The following TMPRSS15 variants were observed in gnomAD, a reference collection of about 807,000 sequenced individuals.
TMPRSS15 encodes enteropeptidase.
TMPRSS15 carries 128 observed loss-of-function variants against 125.3 expected under a neutral mutation model. That is an observed-to-expected ratio of 1.02 (90% CI 0.89 to 1.18). The LOEUF (loss-of-function observed/expected upper bound fraction) is 1.18. TMPRSS15 is among the 50% of genes most tolerant of loss of function. The pLI is 0.00. For missense variants in TMPRSS15, 1,283 were observed against 1,212.7 expected (o/e 1.06, Z -0.86); for synonymous variants, 446 against 423.2 (o/e 1.05, Z -0.66).
At chr21:18,412,368 C>T (rs1317891623) in intron 1 of TMPRSS15, among the ~76,000 whole-genome samples, 1 of 152,160 alleles carries the variant, frequency 6.6e-6, no homozygotes, top group African/African-American at 2.4e-5. Context: ...TAAGTTCTGT[C>T]TTAACACAAT....
chr21:18,440,506 A>C (rs1046715191), intron 1 of TMPRSS15, among the ~76,000 whole-genome samples: 6 of 152,068 alleles, frequency 3.9e-5, no homozygotes, highest in African/African-American at 1.4e-4. Flanking sequence ...ACTATTTCAT[A>C]AATCGATGTG....
intron 1 of TMPRSS15, among the ~76,000 whole-genome samples, chr21:18,413,584 CTT>C (rs141469767): frequency 0.19 from 26,010 of 135,792 alleles, 2,932 homozygotes; most frequent in East Asian, 0.45. Context: ...ACCTGGCTAA[CTT>C]TTTTTTTTTT....
At chr21:18,344,788 T>G (rs767606767) in intron 10 of TMPRSS15, among the ~76,000 whole-genome samples, 1 of 152,226 alleles carries the variant, frequency 6.6e-6, no homozygotes, top group African/African-American at 2.4e-5. Flanking sequence ...TATTTTATTC[T>G]TAGTTTCCTG....
At chr21:18,476,508 A>G (rs1306369697) in intron 1 of TMPRSS15, among the ~76,000 whole-genome samples, 1 of 152,200 alleles carries the variant, frequency 6.6e-6, no homozygotes, top group African/African-American at 2.4e-5. Flanking sequence ...AAAATACATG[A>G]AAACATTTTT....
rs759037934 is a variant in TMPRSS15, at chr21:18,319,450, CAG to C, written c.1922-4196_1922-4195del. Among the ~76,000 whole-genome samples, 825 of 98,718 alleles carry C rather than the reference CAG, an allele frequency of 8.4e-3. 5 individuals are homozygous for C. The highest frequency in any genetic ancestry group is 0.018 in the South Asian group (51 of 2,908). The allele number at this position is 98,718 out of a possible 152,430, so 64.8% of individuals were successfully genotyped here. ...TTTTTTTTTTTTTTTTTTTTTGAGACAGAGTTTTGCTCTTGTTGCCCAGGCTG... is the reference window on the plus strand; with the variant it reads ...TTTTTTTTTTTTTTTTTTTTTGAGACAGTTTTGCTCTTGTTGCCCAGGCTG... On this transcript the variant is annotated intron_variant, in intron 16 of 24. Coordinates refer to ENST00000284885, the MANE Select transcript of TMPRSS15 (RefSeq NM_002772.3).
intron 23 of TMPRSS15, among the ~76,000 whole-genome samples, chr21:18,277,443 ATATC>A (rs1457512895): frequency 1.3e-5 from 2 of 152,204 alleles, no homozygotes; most frequent in African/African-American, 2.4e-5. Flanking sequence ...AAAAGAGAAA[ATATC>A]TATCTAGGAA....
At chr21:18,435,299 C>T (rs13047350) in intron 1 of TMPRSS15, among the ~76,000 whole-genome samples, 54,494 of 151,916 alleles carry the variant, frequency 0.36, 10,739 homozygotes, top group Middle Eastern at 0.48. Context: ...TTTTGAGATA[C>T]GTCCCATCAA....
At chr21:18,394,668 G>A (rs968814678) in intron 3 of TMPRSS15, among the ~76,000 whole-genome samples, 1 of 150,474 alleles carries the variant, frequency 6.6e-6, no homozygotes, top group Non-Finnish European at 1.5e-5. Context: ...CTCATTTTCA[G>A]CTTGCCTCCA....
At chr21:18,341,251 T>C (rs900909419) in intron 13 of TMPRSS15, among the ~76,000 whole-genome samples, 162 bp downstream of exon 13, 3 of 152,110 alleles carry the variant, frequency 2.0e-5, no homozygotes, top group Non-Finnish European at 4.4e-5. Context: ...TGTTTTGTTT[T>C]GTAGAGACAG....
At chr21:18,416,116 G>A (rs1021019003) in intron 1 of TMPRSS15, among the ~76,000 whole-genome samples, 9 of 151,832 alleles carry the variant, frequency 5.9e-5, no homozygotes, top group African/African-American at 1.9e-4. Flanking sequence ...AATGAAAACT[G>A]CAAAACATTG....
At chr21:18,277,776 C>T (rs1809892299) in intron 23 of TMPRSS15, among the ~76,000 whole-genome samples, 1 of 152,120 alleles carries the variant, frequency 6.6e-6, no homozygotes, top group African/African-American at 2.4e-5. Context: ...AACATCATGG[C>T]TATAATTTGT....
At chr21:18,352,861 T>C in intron 10 of TMPRSS15, 42 bp downstream of exon 10, 1 of 1,599,070 alleles carries the variant, frequency 6.3e-7, no homozygotes, top group Non-Finnish European at 8.6e-7. Context: ...TTTTGATTTA[T>C]GAATTAAAAT....
At chr21:18,441,328 C>T (rs780288862) in intron 1 of TMPRSS15, among the ~76,000 whole-genome samples, 8 of 140,278 alleles carry the variant, frequency 5.7e-5, no homozygotes, top group Non-Finnish European at 9.4e-5. Flanking sequence ...ACAAAGAGAC[C>T]GGGCGTGGTG....
chr21:18,442,702 CTGTT>C (rs2076245173), intron 1 of TMPRSS15, among the ~76,000 whole-genome samples: 1 of 152,130 alleles, frequency 6.6e-6, no homozygotes, highest in Non-Finnish European at 1.5e-5. Flanking sequence ...AAATACTGCT[CTGTT>C]TATTTTGTTA....
At chr21:18,365,319 C>A in intron 6 of TMPRSS15, 71 bp from the exon 7 acceptor site, 7 of 1,190,058 alleles carry the variant, frequency 5.9e-6, no homozygotes, top group Non-Finnish European at 8.8e-6. Context: ...AAACATTTCA[C>A]AGAATATTCA....
Position 18,278,987 on chromosome 21 carries a change from C to T in TMPRSS15, c.2741G>A (p.Gly914Asp), listed in dbSNP as rs745366672. Reference sequence around the variant, plus strand: ...ACCTTGATATACAACCGTCCCCCAACCAGCAATAGAACAATTTCTTCCTGG... The same window carrying T: ...ACCTTGATATACAACCGTCCCCCAATCAGCAATAGAACAATTTCTTCCTGG... ...FPPGRNCSIA[G>D]WGTVVYQGTT... The change falls in exon 23 of 25, where the codon GGT (glycine) becomes GAT (aspartate). Residue 914 changes from glycine (G) to aspartate (D), a missense_variant. Gly to Asp is a moderately conservative substitution (Grantham distance 94). Coordinates refer to ENST00000284885, the MANE Select transcript of TMPRSS15 (RefSeq NM_002772.3). 3 of 1,502,044 alleles carry T rather than the reference C, an allele frequency of 2.0e-6. No individual in the cohort carries two copies. The highest frequency in any genetic ancestry group is 1.4e-5 in the African/African-American group (1 of 69,630). The allele number at this position is 1,502,044 out of a possible 1,614,324, so 93.0% of individuals were successfully genotyped here. A position where few individuals can be genotyped will look rare whatever the true frequency, so the allele number is the denominator to read the frequency against.
intron 1 of TMPRSS15, among the ~76,000 whole-genome samples, chr21:18,455,361 A>G (rs905201791): frequency 6.6e-6 from 1 of 152,178 alleles, no homozygotes; most frequent in African/African-American, 2.4e-5. Context: ...AAGCTCTGTT[A>G]TTGTCAATGA....
At position 18,326,496 on chromosome 21, in the gene TMPRSS15, G is replaced by A. The variant is rs753203076; in HGVS notation, c.1857C>T (p.Asn619=). The A allele has an allele frequency of 1.3e-5, 21 of 1,614,128 alleles. No individual in the cohort carries two copies. The highest frequency in any genetic ancestry group is 8.9e-5 in the East Asian group (4 of 44,870). Reference sequence around the variant, plus strand: ...TAAACCCTCCTCTTGCCAACACATCGTTAGTGATGAGAAGCACAGTCATTC... The same window carrying A: ...TAAACCCTCCTCTTGCCAACACATCATTAGTGATGAGAAGCACAGTCATTC... ...TNRMTVLLIT[N]DVLARGGFKA... The change falls in exon 16 of 25, where the codon AAC becomes AAT. Residue 619 remains asparagine (N), a synonymous_variant. Transcript: ENST00000284885.
At chr21:18,413,619 G>A (rs1343806394) in intron 1 of TMPRSS15, among the ~76,000 whole-genome samples, 46 of 147,114 alleles carry the variant, frequency 3.1e-4, no homozygotes, top group African/African-American at 6.3e-4. Context: ...TAATAGAGAC[G>A]GAGTTTCACC....
Sources: gnomAD v4.1 joint callset for allele counts (sites outside exome capture counted in the v4.1 genomes callset) on GRCh38, gnomAD v4.1.1 for gene constraint, MANE v1.5 for transcripts, NCBI Gene and HGNC (gene_info 2026-07-23, HGNC 2026-07-21) for gene names.